The following FAM234A variants were observed in gnomAD, a reference collection of about 807,000 sequenced individuals.
The protein encoded by FAM234A is protein FAM234A.
FAM234A carries 42 observed loss-of-function variants against 49.1 expected under a neutral mutation model. The ratio of observed to expected loss-of-function variants is 0.86; its 90% confidence interval spans 0.67 to 1.11. The LOEUF is 1.11. Among genes scored for constraint, FAM234A ranks in the 50% least tolerant of loss-of-function variants. FAM234A has a pLI of 0.00. For missense variants in FAM234A, 815 were observed against 745.2 expected (o/e 1.09, Z -1.09); for synonymous variants, 369 against 316.2 (o/e 1.17, Z -1.77).
intron 1 of FAM234A, among the ~76,000 whole-genome samples, chr16:238,742 G>A (rs2050496047): frequency 7.1e-6 from 1 of 141,660 alleles, no homozygotes; most frequent in South Asian, 2.3e-4. Context: ...CTCCAGCCTG[G>A]GCGACAGAGT....
Position 265,241 on chromosome 16 carries a change from CCT to C in FAM234A, c.*220_*221del. 7.3e-7 allele frequency: 1 copy of C among 1,376,050 alleles called. No homozygotes were observed. Among genetic ancestry groups the C allele is most frequent in the Non-Finnish European group, 9.4e-7 (1 of 1,067,380 alleles). 85.2% of individuals were successfully genotyped at this position (1,376,050 alleles called of 1,614,324 possible). On this transcript the variant is annotated 3_prime_UTR_variant, in exon 13 of 13. Transcript: ENST00000399932. Reference sequence around the variant, plus strand: ...GGCCTCTCTCCCGCCCAGCATCCTCCCTGAGTCCCCACACAGGGCCTCACTCT... The same window carrying C: ...GGCCTCTCTCCCGCCCAGCATCCTCCGAGTCCCCACACAGGGCCTCACTCT...
chr16:251,109 A>C (rs1195279180), intron 2 of FAM234A, among the ~76,000 whole-genome samples: 1 of 152,116 alleles, frequency 6.6e-6, no homozygotes, highest in Non-Finnish European at 1.5e-5. Flanking sequence ...AGCGCCTGCC[A>C]CCATGCCCAT....
At chr16:255,525 G>A (rs2051197500) in intron 3 of FAM234A, among the ~76,000 whole-genome samples, 1 of 152,164 alleles carries the variant, frequency 6.6e-6, no homozygotes, top group South Asian at 2.1e-4. Context: ...AGTGAGCTGT[G>A]ATCGTGCCAC....
At chr16:263,568 C>T (rs956169990) in intron 9 of FAM234A, 132 bp from the exon 10 acceptor site, 22 of 1,263,784 alleles carry the variant, frequency 1.7e-5, no homozygotes, top group South Asian at 5.2e-5. Flanking sequence ...CCCCAGACGT[C>T]GGCTCCGTGT....
intron 1 of FAM234A, chr16:247,094 T>C (rs2050839197): frequency 6.6e-6 from 1 of 151,270 alleles, no homozygotes; most frequent in Non-Finnish European, 1.5e-5. Context: ...TTTTAATTGA[T>C]TGATTGTTGG....
downstream of FAM234A, chr16:266,194 A>G (rs1467510605): frequency 5.0e-6 from 4 of 794,496 alleles, no homozygotes; most frequent in Non-Finnish European, 6.1e-6. Context: ...GTGACCAGGA[A>G]TTTGCTGGCC....
rs778616905 is a variant in FAM234A at position 264,049 on chromosome 16, C to T, written c.1222C>T (p.Leu408=). The change falls in exon 11 of 13, where the codon CTG becomes TTG. Residue 408 remains leucine, a synonymous_variant. Transcript: ENST00000399932. The part of the protein sequence containing the change: ...LFLDLGTGAV[L]CSLALPSLPG... ...TCTGGACCTTGGCACTGGAGCCGTC[C>T]TGTGTAGCCTAGCCCTCCCGAGCCT... The T allele has an allele frequency of 1.2e-6, 2 of 1,613,156 alleles. No individual in the cohort carries two copies. Among genetic ancestry groups the T allele is most frequent in the East Asian group, 4.5e-5 (2 of 44,884 alleles).
In FAM234A at chr16:264,652, C is replaced by T. The variant is rs201194317; in HGVS notation, c.1383C>T (p.His461=). Residue 461 remains histidine (H), a synonymous_variant, in exon 12 of 13, where the codon CAC becomes CAT. Coordinates refer to ENST00000399932, the MANE Select transcript of FAM234A (RefSeq NM_032039.4). ...GEARHSLYMF[H]PTLPRVLLEL... is the part of the protein sequence containing the mutation. ...CCCGGCACAGCCTGTACATGTTCCA[C>T]CCCACCCTGCCGCGCGTGCTGCTGG... The T allele has an allele frequency of 9.2e-5, 149 of 1,611,802 alleles. No homozygotes were observed. The South Asian group carries it at 1.2e-3, about 13-fold the overall frequency.
chr16:266,189 C>T (rs1046877436), downstream of FAM234A: 1 of 824,382 alleles, frequency 1.2e-6, no homozygotes, highest in Non-Finnish European at 1.5e-6. Context: ...GAGGAGTGAC[C>T]AGGAATTTGC....
intron 1 of FAM234A, among the ~76,000 whole-genome samples, chr16:242,038 A>T (rs1475020912): frequency 6.6e-6 from 1 of 152,084 alleles, no homozygotes; most frequent in Non-Finnish European, 1.5e-5. Flanking sequence ...TTCTGCATGG[A>T]CTGTGGTATT....
intron 6 of FAM234A, 48 bp from the exon 7 acceptor site, chr16:262,044 GC>G (rs1285458521): frequency 2.5e-6 from 4 of 1,588,806 alleles, no homozygotes; most frequent in Non-Finnish European, 3.4e-6. Context: ...TGTCCTTGCA[GC>G]CCCAGGCTCA....
chr16:254,305 C>A, intron 2 of FAM234A, 76 bp from the exon 3 acceptor site: 2 of 1,276,436 alleles, frequency 1.6e-6, no homozygotes, highest in Admixed American at 2.2e-5. Context: ...GAAGCCGACG[C>A]CAGCAGACCC....
chr16:245,945 G>A (rs1333595718), intron 1 of FAM234A, among the ~76,000 whole-genome samples: 7 of 152,000 alleles, frequency 4.6e-5, no homozygotes, highest in African/African-American at 1.7e-4. Context: ...AGTGGCTCAC[G>A]CCTGTAATCC....
At position 264,113 on chromosome 16, in the gene FAM234A, A is replaced by C. The variant is rs2051596080; in HGVS notation, c.1286A>C (p.Asp429Ala). 3.1e-6 allele frequency: 5 copies of C among 1,611,146 alleles called. No homozygotes were observed. The highest frequency in any genetic ancestry group is 2.7e-5 in the African/African-American group (2 of 74,892). Residue 429 changes from aspartate to alanine, a missense_variant, in exon 11 of 13, where the codon GAC (aspartate) becomes GCC (alanine). Physicochemically the swap from Asp to Ala is moderately radical, Grantham distance 126. Coordinates refer to ENST00000399932, the MANE Select transcript of FAM234A (RefSeq NM_032039.4). Reference sequence around the variant, plus strand: ...CTGTCCGCCAGCCTGCCGACCGCAGACCACCGCTCAGCCTTCTTCTTCTGG... The same window carrying C: ...CTGTCCGCCAGCCTGCCGACCGCAGCCCACCGCTCAGCCTTCTTCTTCTGG... ...GPLSASLPTA[D>A]HRSAFFFWGL...
downstream of FAM234A, among the ~76,000 whole-genome samples, chr16:266,899 A>C (rs1271364486): frequency 2.0e-5 from 3 of 151,688 alleles, no homozygotes; most frequent in African/African-American, 7.3e-5. Flanking sequence ...CACGGGAGGG[A>C]GGGCAGGGGG....
At chr16:261,082 A>T in intron 5 of FAM234A, 1 of 293,202 alleles carries the variant, frequency 3.4e-6, no homozygotes, top group East Asian at 8.3e-5. Flanking sequence ...ACACGCAGAT[A>T]GGAGAAAAGG....
chr16:265,964 C>CA lies in FAM234A; in HGVS notation c.*944dup, dbSNP rs928875350. 5 of 985,878 alleles carry CA rather than the reference C, an allele frequency of 5.1e-6. No homozygotes were observed. The African/African-American group carries it at 8.7e-5, about 17-fold the overall frequency. The allele number at this position is 985,878 out of a possible 1,614,324, so 61.1% of individuals were successfully genotyped here. A position where few individuals can be genotyped will look rare whatever the true frequency, so the allele number is the denominator to read the frequency against. On this transcript the variant is annotated 3_prime_UTR_variant, in exon 13 of 13. Transcript: ENST00000399932. ...TCTGTGCCTTGCTGCTCCTGAGGCC[C>CA]AAGGGCAGCCATGGTGCTCTGTACT...
intron 4 of FAM234A, 60 bp downstream of exon 4, chr16:259,659 G>T: frequency 9.3e-7 from 1 of 1,074,600 alleles, no homozygotes; most frequent in Non-Finnish European, 1.4e-6. Context: ...TCGTCATTTT[G>T]GGTCACCCTC....
chr16:269,649 G>A (rs1307762322), downstream of FAM234A: 31 of 1,292,588 alleles, frequency 2.4e-5, no homozygotes, highest in Middle Eastern at 1.8e-4. Context: ...AGCTCCACCC[G>A]AAGGAGCAGC....
Sources: gnomAD v4.1 joint callset for allele counts (sites outside exome capture counted in the v4.1 genomes callset) on GRCh38, gnomAD v4.1.1 for gene constraint, MANE v1.5 for transcripts, NCBI Gene and HGNC (gene_info 2026-07-23, HGNC 2026-07-21) for gene names.